Variants in SPNS2 observed in about 807,000 individuals in gnomAD.
SPNS2 encodes the protein SPNS lysolipid transporter 2, sphingosine-1-phosphate.
A neutral mutation model predicts 57.6 loss-of-function variants in SPNS2; 37 were observed. The observed-to-expected ratio is 0.64, with a 90% CI of 0.49 to 0.85. The LOEUF is 0.85. Among genes scored for constraint, SPNS2 ranks in the 40% least tolerant of loss-of-function variants. SPNS2 has a pLI of 0.00. For missense variants in SPNS2, 831 were observed against 779.1 expected (o/e 1.07, Z -0.79); for synonymous variants, 440 against 346.9 (o/e 1.27, Z -2.98).
rs528157681 is a variant in SPNS2 at position 4,512,632 on chromosome 17, G to A, written c.371-615G>A. ...AATCCTGAGGGCAGCTGGGGTGACAGTGTGTGTGTGTGCGTGCGCGCGCAC... is the reference window on the plus strand; with the variant it reads ...AATCCTGAGGGCAGCTGGGGTGACAATGTGTGTGTGTGCGTGCGCGCGCAC... On this transcript the variant is annotated intron_variant, in intron 1 of 12. Transcript: ENST00000329078. This position sits in a 1 kb window ranked among gnomAD's most constrained non-coding sequence, Gnocchi z 5.2. Among the ~76,000 whole-genome samples the A allele has an allele frequency of 6.6e-6, 1 of 151,900 alleles. No individual in the cohort carries two copies. The highest frequency in any genetic ancestry group is 2.4e-5 in the African/African-American group (1 of 41,376).
intron 1 of SPNS2, among the ~76,000 whole-genome samples, chr17:4,501,422 T>G (rs1904507222): frequency 6.6e-6 from 1 of 152,126 alleles, no homozygotes; most frequent in Non-Finnish European, 1.5e-5. Context: ...ATAGGAAATT[T>G]GTGGTGAATT....
intron 11 of SPNS2, 44 bp from the exon 12 acceptor site, chr17:4,536,856 C>A: frequency 1.9e-6 from 3 of 1,557,576 alleles, no homozygotes; most frequent in Non-Finnish European, 2.7e-6. Context: ...CGGGCCCGGC[C>A]CCCGCTGATG....
Position 4,533,766 on chromosome 17 carries a change from G to C in SPNS2, c.1279-22G>C, listed in dbSNP as rs749120477. On this transcript the variant is annotated intron_variant, in intron 8 of 12. Transcript: ENST00000329078. ...TGCGGATGGAGGGACCGCTGATGGT[G>C]GCTTTGCCTTCTCCCCGGCAGATCT... The C allele has an allele frequency of 8.0e-5, 129 of 1,613,354 alleles. 1 individual carries two copies. The Admixed American group carries it at 2.1e-3, about 27-fold the overall frequency.
intron 2 of SPNS2, among the ~76,000 whole-genome samples, chr17:4,519,878 TTCTC>T (rs890407273): frequency 6.6e-6 from 1 of 152,098 alleles, no homozygotes; most frequent in Non-Finnish European, 1.5e-5. Context: ...GCCAGGAACA[TTCTC>T]TCAGCCCCCT....
rs570222991 is a variant in SPNS2 at position 4,525,841 on chromosome 17, C to T, written c.573+648C>T. Among the ~76,000 whole-genome samples, 3 of 152,308 alleles carry T rather than the reference C, an allele frequency of 2.0e-5. No homozygotes were observed. In the South Asian group the frequency reaches 6.2e-4, roughly 32 times the overall value. On this transcript the variant is annotated intron_variant, in intron 3 of 12. Coordinates refer to ENST00000329078, the MANE Select transcript of SPNS2 (RefSeq NM_001124758.3). ...AGTAGCTGAGCTGTGAAGGTCCAGA[C>T]CCTGGAACACGGCGAGTGCTCAGCC...
chr17:4,536,118 CAG>C lies in SPNS2; in HGVS notation c.1390_1391del (p.Ser464LeufsTer27), dbSNP rs749790864. The C allele has an allele frequency of 6.2e-7, 1 of 1,612,652 alleles. No homozygotes were observed. The highest frequency in any genetic ancestry group is 8.5e-7 in the Non-Finnish European group (1 of 1,179,832). ...PTRRATAVAL[Q>X]SFTSHLLGDA... ...GCGGCGCGCCACTGCCGTGGCCTTG[CAG>C]AGCTTCACCTCCCACCTGCTGGGGG... On this transcript the variant is annotated frameshift_variant, in exon 10 of 13. Transcript: ENST00000329078. LOFTEE classifies it high-confidence loss of function.
chr17:4,524,399 A>C (rs1042531282), intron 2 of SPNS2, among the ~76,000 whole-genome samples: 2 of 152,140 alleles, frequency 1.3e-5, no homozygotes, highest in Admixed American at 6.5e-5. Context: ...ACATGATGAG[A>C]TATGGCTGGG....
Position 4,510,017 on chromosome 17 carries a change from G to A in SPNS2, c.371-3230G>A, listed in dbSNP as rs1004758885. ...AGGCTGTGGTGAAGAAGGGAGGGGT[G>A]CGTGGGCCTGAGCCGTGCTGGAGCC... On this transcript the variant is annotated intron_variant, in intron 1 of 12. Transcript: ENST00000329078. The surrounding 1 kb of genome is among the most constrained non-coding windows in gnomAD (Gnocchi z 4.4). Among the ~76,000 whole-genome samples the A allele has an allele frequency of 2.6e-5, 4 of 152,262 alleles. No homozygotes were observed. Among genetic ancestry groups the A allele is most frequent in the African/African-American group, 9.6e-5 (4 of 41,476 alleles).
chr17:4,534,241 G>T (rs569292912), intron 9 of SPNS2: 3 of 273,190 alleles, frequency 1.1e-5, no homozygotes, highest in South Asian at 9.3e-5. Flanking sequence ...GCGTGCCTGC[G>T]GCTGGGGCTG....
In SPNS2 at chr17:4,530,672, T is replaced by C; in HGVS notation, c.614T>C (p.Ile205Thr). 3 of 1,613,640 alleles carry C rather than the reference T, an allele frequency of 1.9e-6. No homozygotes were observed. In the South Asian group the frequency reaches 3.3e-5, roughly 18 times the overall value. Residue 205 changes from isoleucine (I) to threonine (T), a missense_variant, in exon 4 of 13, where the codon ATC becomes ACC. This residue lies in a region of SPNS2 where 305 missense variants were observed against 378.3 expected (regional missense o/e 0.81). Coordinates refer to ENST00000329078, the MANE Select transcript of SPNS2 (RefSeq NM_001124758.3). The stretch of plus-strand genomic sequence containing the variant: ...GTCCTGTCCCGGGGGCTGGTGGGCA[T>C]CGGGGAGGCCAGCTACTCCACCATC... ...LLVLSRGLVG[I>T]GEASYSTIAP...
intron 11 of SPNS2, 173 bp downstream of exon 11, chr17:4,536,599 A>C: frequency 1.2e-6 from 1 of 849,026 alleles, no homozygotes; most frequent in Non-Finnish European, 1.8e-6. Context: ...GTCAGCCTGG[A>C]GCTGTGGGAG....
rs542572915 is a variant in SPNS2, at chr17:4,537,573, T to G, written c.*125T>G. The G allele has an allele frequency of 6.6e-6, 3 of 456,728 alleles. No homozygotes were observed. The East Asian group carries it at 2.1e-4, about 32-fold the overall frequency. 28.3% of individuals were successfully genotyped at this position (456,728 alleles called of 1,614,324 possible). A position where few individuals can be genotyped will look rare whatever the true frequency, so the allele number is the denominator to read the frequency against. On this transcript the variant is annotated 3_prime_UTR_variant, in exon 13 of 13. Transcript: ENST00000329078. ...GTGATCCACGGCTAGGCACCCACCC[T>G]CTCTGGCCCAGGCCTGCTGAGTGGC...
At chr17:4,501,578 C>G (rs1904515083) in intron 1 of SPNS2, among the ~76,000 whole-genome samples, 1 of 152,182 alleles carries the variant, frequency 6.6e-6, no homozygotes, top group South Asian at 2.1e-4. Context: ...CACCCCACCC[C>G]CAACACACAA....
chr17:4,511,727 C>T lies in SPNS2; in HGVS notation c.371-1520C>T, dbSNP rs1268292243. On this transcript the variant is annotated intron_variant, in intron 1 of 12. Transcript: ENST00000329078. The surrounding 1 kb of genome is among the most constrained non-coding windows in gnomAD (Gnocchi z 4.6). ...CCTCTTCATTACGGGTAATTATGGT[C>T]AACCCACTCAGGGCATTAACAAGGA... Among the ~76,000 whole-genome samples, 1 of 152,192 alleles carries T rather than the reference C, an allele frequency of 6.6e-6. No individual in the cohort carries two copies. The highest frequency in any genetic ancestry group is 1.9e-4 in the East Asian group (1 of 5,202).
In SPNS2 at chr17:4,536,299, C is replaced by G; in HGVS notation, c.1480C>G (p.Pro494Ala). The change falls in exon 11 of 13, where the codon CCG becomes GCG. Residue 494 changes from proline to alanine, a missense_variant. Physicochemically the swap from Pro to Ala is conservative, Grantham distance 27 (BLOSUM62 -1). Transcript: ENST00000329078. The stretch of plus-strand genomic sequence containing the variant: ...GATCCGCCAGAGCACTAAGGACTCC[C>G]CGCTCTGGGAGTTCCTGAGCCTGGG... ...DLIRQSTKDS[P>A]LWEFLSLGYA... 2 of 1,612,700 alleles carry G rather than the reference C, an allele frequency of 1.2e-6. No homozygotes were observed. Among genetic ancestry groups the G allele is most frequent in the Non-Finnish European group, 1.7e-6 (2 of 1,179,958 alleles).
chr17:4,523,723 T>C (rs1056985676), intron 2 of SPNS2, among the ~76,000 whole-genome samples: 2 of 152,192 alleles, frequency 1.3e-5, no homozygotes, highest in East Asian at 1.9e-4. Context: ...GCATGGGTGA[T>C]AGAGTGAGAC....
rs948049478 is a variant in SPNS2 at position 4,537,734 on chromosome 17, T to A, written c.*286T>A. 1 of 456,594 alleles carries A rather than the reference T, an allele frequency of 2.2e-6. No homozygotes were observed. The highest frequency in any genetic ancestry group is 2.0e-5 in the African/African-American group (1 of 50,092). The allele number at this position is 456,594 out of a possible 1,614,324, so 28.3% of individuals were successfully genotyped here. On this transcript the variant is annotated 3_prime_UTR_variant, in exon 13 of 13. Coordinates refer to ENST00000329078, the MANE Select transcript of SPNS2 (RefSeq NM_001124758.3). ...GGCCAAGGAAGAAGACAGCCCCAAG[T>A]GGGTGTCCGGGGAGAGCCTGGCCTG...
rs751378773 is a variant in SPNS2 at position 4,537,655 on chromosome 17, A to G, written c.*207A>G. The G allele has an allele frequency of 2.2e-6, 1 of 456,730 alleles. No individual in the cohort carries two copies. The highest frequency in any genetic ancestry group is 4.4e-6 in the Non-Finnish European group (1 of 226,958). 28.3% of individuals were successfully genotyped at this position (456,730 alleles called of 1,614,324 possible). Reference sequence around the variant, plus strand: ...TACCCTGGAAGGATGTGTGTGTTGGAGCCACACGGTTGGACAGGTTCCCAG... The same window carrying G: ...TACCCTGGAAGGATGTGTGTGTTGGGGCCACACGGTTGGACAGGTTCCCAG... On this transcript the variant is annotated 3_prime_UTR_variant, in exon 13 of 13. Coordinates refer to ENST00000329078, the MANE Select transcript of SPNS2 (RefSeq NM_001124758.3).
intron 11 of SPNS2, 155 bp from the exon 12 acceptor site, chr17:4,536,734 TCTCTCCTCTCC>T (rs1218311468): frequency 1.0e-5 from 7 of 666,974 alleles, no homozygotes; most frequent in African/African-American, 3.6e-5. Context: ...TACTCCTCTC[TCTCTCCTCTCC>T]CCACCCCTGG....
Sources: allele counts gnomAD v4.1 joint callset (sites outside exome capture counted in the v4.1 genomes callset), GRCh38; gene constraint gnomAD v4.1.1; regional missense constraint gnomAD v4.1.1; non-coding constraint Gnocchi (gnomAD v3.1); transcripts MANE v1.5; gene names NCBI Gene and HGNC (gene_info 2026-07-23, HGNC 2026-07-21).